Variants in DDX46 observed in about 807,000 individuals in gnomAD.
DDX46 encodes DEAD-box helicase 46.
DDX46 carries 30 observed loss-of-function variants against 134.9 expected under a neutral mutation model. The observed-to-expected ratio is 0.22, with a 90% CI of 0.17 to 0.30. The LOEUF (loss-of-function observed/expected upper bound fraction) is 0.30. Among genes scored for constraint, DDX46 ranks in the 10% least tolerant of loss-of-function variants. The probability of loss-of-function intolerance (pLI) is 1.00; values close to 1 mark genes in which losing one functional copy is unlikely to be tolerated. For synonymous variants in DDX46, 415 were observed against 404.1 expected (o/e 1.03, Z -0.32); for missense variants, 622 against 1,248.7 (o/e 0.50, Z 7.56).
intron 9 of DDX46, among the ~76,000 whole-genome samples, chr5:134,784,093 G>T (rs1352849648): frequency 6.6e-6 from 1 of 152,030 alleles, no homozygotes; most frequent in African/African-American, 2.4e-5. Context: ...TTTGTCTCTA[G>T]AATAGATTTG....
intron 15 of DDX46, among the ~76,000 whole-genome samples, chr5:134,799,283 C>T (rs1580803972): frequency 6.6e-6 from 1 of 151,214 alleles, no homozygotes. Flanking sequence ...TGTCAATGTG[C>T]ATATCATTAA....
At chr5:134,767,779 C>T (rs1002107945) in intron 3 of DDX46, among the ~76,000 whole-genome samples, 10 of 151,728 alleles carry the variant, frequency 6.6e-5, no homozygotes, top group Admixed American at 1.3e-4. Flanking sequence ...GGATAAACCC[C>T]GTCTCTACTA....
At position 134,808,938 on chromosome 5, in the gene DDX46, T is replaced by C. The variant is rs1468698257; in HGVS notation, c.2148+997T>C. Among the ~76,000 whole-genome samples, 3 of 152,240 alleles carry C rather than the reference T, an allele frequency of 2.0e-5. No homozygotes were observed. The East Asian group carries it at 5.8e-4, about 29-fold the overall frequency. ...TTTAACTGTTTTACATATATAATGT[T>C]ATTTTATCCTTACATATATAATGTC... On this transcript the variant is annotated intron_variant, in intron 16 of 22. Transcript: ENST00000452510.
chr5:134,775,969 C>G (rs538696091), intron 5 of DDX46, among the ~76,000 whole-genome samples: 2 of 152,154 alleles, frequency 1.3e-5, no homozygotes, highest in East Asian at 3.8e-4. Flanking sequence ...TTTTACTCCC[C>G]AGAAACTAAG....
At chr5:134,811,994 C>A in intron 18 of DDX46, 149 bp downstream of exon 18, 1 of 677,306 alleles carries the variant, frequency 1.5e-6, no homozygotes, top group Non-Finnish European at 2.3e-6. Context: ...CTGCCTACTA[C>A]ATACCAGTAC....
intron 12 of DDX46, chr5:134,790,022 G>C (rs1754457943): frequency 2.2e-6 from 1 of 454,914 alleles, no homozygotes. Context: ...ATAATATAGA[G>C]AGACATTTTC....
At chr5:134,805,835 CTG>C (rs911064653) in intron 15 of DDX46, among the ~76,000 whole-genome samples, 1 of 152,140 alleles carries the variant, frequency 6.6e-6, no homozygotes, top group African/African-American at 2.4e-5. Context: ...CCCAGCCTCT[CTG>C]TTCTAATTTC....
At chr5:134,807,175 C>CTTT (rs11284486) in intron 15 of DDX46, among the ~76,000 whole-genome samples, 2 of 121,732 alleles carry the variant, frequency 1.6e-5, no homozygotes, top group Admixed American at 1.7e-4. Flanking sequence ...CCACGCCTGG[C>CTTT]TTTTTTTTTT....
intron 21 of DDX46, among the ~76,000 whole-genome samples, chr5:134,822,915 A>G (rs972292462): frequency 1.3e-5 from 2 of 152,152 alleles, no homozygotes; most frequent in African/African-American, 2.4e-5. Context: ...ATTCTTCAAC[A>G]TAGATTCATA....
At chr5:134,793,972 C>T (rs763758905) in intron 13 of DDX46, among the ~76,000 whole-genome samples, 1 of 152,018 alleles carries the variant, frequency 6.6e-6, no homozygotes, top group Non-Finnish European at 1.5e-5. Context: ...TAATTTTTGG[C>T]TGTCGAAAGG....
At chr5:134,810,648 G>A (rs577275146) in intron 16 of DDX46, among the ~76,000 whole-genome samples, 1 of 151,250 alleles carries the variant, frequency 6.6e-6, no homozygotes, top group Non-Finnish European at 1.5e-5. Flanking sequence ...CCAGCCAATT[G>A]CATATATTTC....
intron 21 of DDX46, 88 bp downstream of exon 21, chr5:134,819,092 C>A: frequency 7.2e-7 from 1 of 1,380,236 alleles, no homozygotes; most frequent in South Asian, 1.7e-5. Flanking sequence ...GAGGTCAATT[C>A]TAGAGAGAAC....
Position 134,807,959 on chromosome 5 carries a change from A to G in DDX46, c.2148+18A>G, listed in dbSNP as rs1250504405. 4 of 1,580,044 alleles carry G rather than the reference A, an allele frequency of 2.5e-6. No individual in the cohort carries two copies. Among genetic ancestry groups the G allele is most frequent in the East Asian group, 2.3e-5 (1 of 44,344 alleles). On this transcript the variant is annotated intron_variant, in intron 16 of 22. Coordinates refer to ENST00000452510, the MANE Select transcript of DDX46 (RefSeq NM_001300860.2). ...GAAACAAGGTAAAAATAAGTTTTTTATAGTTGATCTTCATTATATTAAAAT... is the reference window on the plus strand; with the variant it reads ...GAAACAAGGTAAAAATAAGTTTTTTGTAGTTGATCTTCATTATATTAAAAT...
intron 15 of DDX46, 124 bp downstream of exon 15, chr5:134,796,274 C>T (rs1754650819): frequency 5.1e-6 from 5 of 983,944 alleles, no homozygotes; most frequent in African/African-American, 1.7e-5. Flanking sequence ...TCAGTTTTTA[C>T]TCTAAAGTGC....
chr5:134,806,888 A>G (rs1388370292), intron 15 of DDX46, among the ~76,000 whole-genome samples: 2 of 152,094 alleles, frequency 1.3e-5, no homozygotes, highest in Admixed American at 1.3e-4. Flanking sequence ...CTGCTTTGCC[A>G]TTCATACTAA....
chr5:134,816,505 G>A lies in DDX46; in HGVS notation c.2512G>A (p.Val838Ile), dbSNP rs745872523. ...KDMAAPGTSS[V>I]PAPTAGNAEK... ...TATGGCTGCTCCTGGAACATCAAGT[G>A]TTCCTGCTCCAACTGCAGGAAATGC... Residue 838 changes from valine to isoleucine, a missense_variant, in exon 19 of 23, where the codon GTT becomes ATT. Physicochemically the swap from Val to Ile is conservative, Grantham distance 29. Around this residue, in one of 8 missense-constraint regions of DDX46, gnomAD observed 18 missense variants for 17.0 expected, o/e 1.06. Transcript: ENST00000452510. The A allele has an allele frequency of 1.2e-5, 19 of 1,613,858 alleles. No homozygotes were observed. Among genetic ancestry groups the A allele is most frequent in the South Asian group, 1.1e-5 (1 of 91,066 alleles).
intron 22 of DDX46, among the ~76,000 whole-genome samples, 194 bp downstream of exon 22, chr5:134,827,214 C>G (rs2150164571): frequency 1.3e-5 from 2 of 152,094 alleles, no homozygotes; most frequent in South Asian, 4.2e-4. Flanking sequence ...TTCTCTGTGT[C>G]TATTCTTGTC....
At chr5:134,804,136 T>C (rs1043825922) in intron 15 of DDX46, among the ~76,000 whole-genome samples, 4 of 152,108 alleles carry the variant, frequency 2.6e-5, no homozygotes, top group African/African-American at 9.7e-5. Context: ...TTTTGCTATG[T>C]TGCCCAGGGT....
chr5:134,816,241 A>T (rs1187198033), intron 18 of DDX46, among the ~76,000 whole-genome samples, 189 bp from the exon 19 acceptor site: 1 of 152,210 alleles, frequency 6.6e-6, no homozygotes, highest in East Asian at 1.9e-4. Context: ...CTGATTTTTT[A>T]AATGAAATGT....
Sources: gnomAD v4.1 joint callset for allele counts (sites outside exome capture counted in the v4.1 genomes callset) on GRCh38, gnomAD v4.1.1 for gene constraint, gnomAD v4.1.1 regional missense constraint, MANE v1.5 for transcripts, NCBI Gene and HGNC (gene_info 2026-07-23, HGNC 2026-07-21) for gene names.